The following SAMD5 variants were observed in gnomAD, a reference collection of about 807,000 sequenced individuals.
SAMD5 encodes the protein sterile alpha motif domain containing 5, also known as sterile alpha motif domain-containing protein 5.
In SAMD5, 13 loss-of-function variants were observed where a neutral mutation model predicts 11.3. The ratio of observed to expected loss-of-function variants is 1.15; its 90% CI spans 0.75 to 1.83. SAMD5 has a LOEUF of 1.83. Among genes scored for constraint, SAMD5 ranks in the 40% most tolerant of loss-of-function variants. The pLI is 0.00. For synonymous variants in SAMD5, 129 were observed against 111.3 expected (o/e 1.16, Z -1.00); for missense variants, 255 against 239.1 (o/e 1.07, Z -0.44).
At chr6:147,803,739 G>T in the SAMD5 span, among the ~76,000 whole-genome samples, 1 of 152,166 alleles carries the variant, frequency 6.6e-6, no homozygotes, top group African/African-American at 2.4e-5. Flanking sequence ...GCAAAGTCAG[G>T]ATTTGAAGCT....
the SAMD5 span, among the ~76,000 whole-genome samples, chr6:147,908,659 A>G: frequency 6.6e-6 from 1 of 152,114 alleles, no homozygotes; most frequent in Middle Eastern, 3.2e-3. Context: ...GTGTAGATAC[A>G]TATATGTGCA....
intron 1 of SAMD5, among the ~76,000 whole-genome samples, chr6:147,627,322 C>G (rs1179572824): frequency 6.6e-6 from 1 of 152,078 alleles, no homozygotes; most frequent in African/African-American, 2.4e-5. Context: ...CTTTAGAGGA[C>G]CGGGGTGGTG....
At chr6:147,512,267 T>A (rs1284002709) in intron 1 of SAMD5, among the ~76,000 whole-genome samples, 3 of 152,194 alleles carry the variant, frequency 2.0e-5, no homozygotes, top group African/African-American at 7.2e-5. Flanking sequence ...GAATGTGTAG[T>A]ATTTTTGATG....
At chr6:147,556,070 T>G (rs928118827) in intron 1 of SAMD5, among the ~76,000 whole-genome samples, 3 of 152,196 alleles carry the variant, frequency 2.0e-5, no homozygotes, top group African/African-American at 7.2e-5. Context: ...TGTGTTAATA[T>G]GTAATGCATT....
intron 1 of SAMD5, among the ~76,000 whole-genome samples, chr6:147,658,761 T>C (rs923787441): frequency 2.0e-5 from 3 of 152,176 alleles, no homozygotes; most frequent in Admixed American, 6.5e-5. Flanking sequence ...ATGGGGATTA[T>C]GTTTATTTTG....
chr6:147,651,442 C>A (rs1015163633), intron 1 of SAMD5, among the ~76,000 whole-genome samples: 1 of 152,152 alleles, frequency 6.6e-6, no homozygotes, highest in Non-Finnish European at 1.5e-5. Flanking sequence ...ATGTTGAAAT[C>A]CTGACCCCCA....
At chr6:147,914,776 A>G in the SAMD5 span, among the ~76,000 whole-genome samples, 1 of 152,218 alleles carries the variant, frequency 6.6e-6, no homozygotes, top group Non-Finnish European at 1.5e-5. Context: ...GATCAAAATT[A>G]TTGCCATCAA....
At chr6:147,551,383 G>A (rs1788769650) in intron 1 of SAMD5, among the ~76,000 whole-genome samples, 1 of 152,146 alleles carries the variant, frequency 6.6e-6, no homozygotes, top group South Asian at 2.1e-4. Context: ...AGAAATTAAG[G>A]GGGAATGTAA....
intron 1 of SAMD5, among the ~76,000 whole-genome samples, chr6:147,538,175 A>G (rs2128441756): frequency 6.6e-6 from 1 of 152,328 alleles, no homozygotes; most frequent in South Asian, 2.1e-4. Context: ...TAACAGTATC[A>G]TTTTAGTGTT....
At chr6:147,829,157 T>G in the SAMD5 span, among the ~76,000 whole-genome samples, 1 of 152,194 alleles carries the variant, frequency 6.6e-6, no homozygotes, top group South Asian at 2.1e-4. Context: ...AGGAAGTAGT[T>G]TGCTAATATG....
intron 1 of SAMD5, among the ~76,000 whole-genome samples, chr6:147,695,691 A>C (rs1370587251): frequency 6.6e-6 from 1 of 152,178 alleles, no homozygotes; most frequent in Non-Finnish European, 1.5e-5. Context: ...AAGACATTGG[A>C]ATAAGACAGG....
At chr6:147,950,093 A>T in the SAMD5 span, among the ~76,000 whole-genome samples, 1 of 152,238 alleles carries the variant, frequency 6.6e-6, no homozygotes, top group Non-Finnish European at 1.5e-5. Context: ...CCTGGAATAG[A>T]AAACAAGCAT....
At chr6:147,951,190 T>TTTCTTTC in the SAMD5 span, among the ~76,000 whole-genome samples, 3,922 of 142,688 alleles carry the variant, frequency 0.027, 57 homozygotes, top group Middle Eastern at 0.069. Context: ...TCTTTCTTTC[T>TTTCTTTC]TTTTTTTTTT....
At chr6:147,916,358 C>T in the SAMD5 span, among the ~76,000 whole-genome samples, 1 of 152,122 alleles carries the variant, frequency 6.6e-6, no homozygotes, top group African/African-American at 2.4e-5. Flanking sequence ...AACTAGTTTA[C>T]AGTCCCACCA....
At chr6:147,527,079 G>A (rs376021089) in intron 1 of SAMD5, among the ~76,000 whole-genome samples, 20 of 152,198 alleles carry the variant, frequency 1.3e-4, no homozygotes, top group African/African-American at 4.8e-4. Context: ...TTGAAGCTTT[G>A]GATTGAAAAG....
chr6:147,950,464 C>G, the SAMD5 span, among the ~76,000 whole-genome samples: 2 of 152,158 alleles, frequency 1.3e-5, no homozygotes, highest in Non-Finnish European at 2.9e-5. Flanking sequence ...CTGCTGTGAA[C>G]TGTGGTTTTG....
At chr6:147,778,542 A>G in the SAMD5 span, among the ~76,000 whole-genome samples, 1 of 152,166 alleles carries the variant, frequency 6.6e-6, no homozygotes, top group South Asian at 2.1e-4. Flanking sequence ...TCAGGCTCCA[A>G]ACCTTGGATT....
intron 1 of SAMD5, chr6:147,733,606 C>A: frequency 6.4e-6 from 1 of 156,376 alleles, no homozygotes; most frequent in Non-Finnish European, 1.4e-5. Context: ...ATCCATTTAG[C>A]CATCCAATTC....
intron 1 of SAMD5, among the ~76,000 whole-genome samples, chr6:147,519,913 TA>T (rs1445543345): frequency 6.6e-6 from 1 of 152,174 alleles, no homozygotes; most frequent in Non-Finnish European, 1.5e-5. Flanking sequence ...ATTTTCATAA[TA>T]AAAAGTTTTG....
Sources: gnomAD v4.1 joint callset for allele counts (sites outside exome capture counted in the v4.1 genomes callset) on GRCh38, gnomAD v4.1.1 for gene constraint, MANE v1.5 for transcripts, NCBI Gene and HGNC (gene_info 2026-07-23, HGNC 2026-07-21) for gene names.